Variants in ARHGEF7 observed in about 807,000 individuals in gnomAD.
The protein encoded by ARHGEF7 is PAK-interacting exchange factor beta.
Under a neutral mutation model 109.8 loss-of-function variants are expected in ARHGEF7, and 33 were observed. The ratio of observed to expected loss-of-function variants is 0.30; its 90% confidence interval spans 0.23 to 0.40. ARHGEF7 has a LOEUF of 0.40. Among genes scored for constraint, ARHGEF7 ranks in the 10% least tolerant of loss-of-function variants. The pLI, the probability that ARHGEF7 is intolerant of heterozygous loss-of-function variation, is 1.00. For synonymous variants in ARHGEF7, 458 were observed against 424.6 expected (o/e 1.08, Z -0.97); for missense variants, 938 against 1,098.5 (o/e 0.85, Z 2.07).
At chr13:111,188,103 C>T (rs1269268879) in intron 2 of ARHGEF7, among the ~76,000 whole-genome samples, 1 of 152,178 alleles carries the variant, frequency 6.6e-6, no homozygotes, top group Non-Finnish European at 1.5e-5. Context: ...TTCCTTCCTG[C>T]GTGTGCCCTG....
chr13:111,272,718 C>T lies in ARHGEF7; in HGVS notation c.1074-1096C>T, dbSNP rs1376679871. On this transcript the variant is annotated intron_variant, in intron 9 of 21. Coordinates refer to ENST00000646102, the MANE Select transcript of ARHGEF7 (RefSeq NM_001354046.2). The surrounding 1 kb of genome is among the most constrained non-coding windows in gnomAD (Gnocchi z 5.2). ...GTCTGGACCTGGCATCGGCTGCCAG[C>T]GCTGGTGCTGCCTCCCCTCCTTTCT... 2.6e-5 allele frequency among the ~76,000 whole-genome samples: 4 copies of T among 152,260 alleles called. No individual in the cohort carries two copies. Among genetic ancestry groups the T allele is most frequent in the South Asian group, 2.1e-4 (1 of 4,820 alleles).
At chr13:111,240,132 C>G (rs1490667122) in intron 6 of ARHGEF7, among the ~76,000 whole-genome samples, 1 of 152,136 alleles carries the variant, frequency 6.6e-6, no homozygotes, top group African/African-American at 2.4e-5. Flanking sequence ...CAGCTGGGAG[C>G]CCAGGTCCAC....
intron 9 of ARHGEF7, among the ~76,000 whole-genome samples, chr13:111,268,806 C>T (rs144654747): frequency 1.2e-4 from 19 of 152,304 alleles, no homozygotes; most frequent in South Asian, 4.1e-4. Context: ...TCAGGGTGAA[C>T]GCACCAAATG....
At chr13:111,153,723 TGAG>T in intron 1 of ARHGEF7, 179 bp from the exon 2 acceptor site, 5 of 1,328,462 alleles carry the variant, frequency 3.8e-6, no homozygotes, top group Non-Finnish European at 4.8e-6. Flanking sequence ...GAAAAAAGGG[TGAG>T]GAGAAGCAGC....
chr13:111,299,931 G>A (rs2093525606), intron 19 of ARHGEF7, among the ~76,000 whole-genome samples: 1 of 152,040 alleles, frequency 6.6e-6, no homozygotes, highest in African/African-American at 2.4e-5. Flanking sequence ...TTTGCATCTG[G>A]CATAATTTTT....
intron 1 of ARHGEF7, among the ~76,000 whole-genome samples, chr13:111,152,995 G>C (rs1258743527): frequency 6.6e-6 from 1 of 152,216 alleles, no homozygotes; most frequent in Admixed American, 6.5e-5. Flanking sequence ...CACTGCGGTG[G>C]ATCCACAATT....
intron 2 of ARHGEF7, among the ~76,000 whole-genome samples, chr13:111,156,814 A>G (rs1241586135): frequency 6.6e-6 from 1 of 152,284 alleles, no homozygotes; most frequent in Non-Finnish European, 1.5e-5. Context: ...TTGAAACTAC[A>G]GACACAAAAC....
chr13:111,256,792 G>A (rs893693513), intron 8 of ARHGEF7, among the ~76,000 whole-genome samples: 1 of 152,124 alleles, frequency 6.6e-6, no homozygotes, highest in Non-Finnish European at 1.5e-5. Flanking sequence ...GGTCTTGTGG[G>A]TTTTCATGGT....
intron 16 of ARHGEF7, among the ~76,000 whole-genome samples, chr13:111,285,493 G>A (rs1467923283): frequency 6.6e-6 from 1 of 152,080 alleles, no homozygotes; most frequent in African/African-American, 2.4e-5. Flanking sequence ...TTTTGCCGTC[G>A]TCTTCTGTGC....
chr13:111,260,019 G>A (rs1934114339), intron 8 of ARHGEF7, among the ~76,000 whole-genome samples: 1 of 152,108 alleles, frequency 6.6e-6, no homozygotes. Flanking sequence ...TCAAGCAGAG[G>A]AAAGAATTAG....
intron 8 of ARHGEF7, among the ~76,000 whole-genome samples, chr13:111,247,184 A>G (rs907631922): frequency 1.3e-5 from 2 of 150,942 alleles, no homozygotes; most frequent in Non-Finnish European, 2.9e-5. Context: ...TTTAAGACTT[A>G]CTTTCGTCTT....
chr13:111,233,082 C>A, intron 5 of ARHGEF7, 123 bp from the exon 6 acceptor site: 1 of 829,356 alleles, frequency 1.2e-6, no homozygotes, highest in Non-Finnish European at 2.0e-6. Flanking sequence ...TTTTCCTTGG[C>A]TTGCCATTTG....
chr13:111,230,988 G>C (rs374176663), intron 5 of ARHGEF7, among the ~76,000 whole-genome samples: 3 of 152,248 alleles, frequency 2.0e-5, no homozygotes, highest in African/African-American at 7.2e-5. Flanking sequence ...GTGGTGTTGA[G>C]TTGTGAGGTA....
intron 17 of ARHGEF7, among the ~76,000 whole-genome samples, chr13:111,287,416 C>G (rs1032660803): frequency 1.3e-5 from 2 of 152,226 alleles, no homozygotes; most frequent in Admixed American, 1.3e-4. Context: ...CAGCTGAGAC[C>G]ATCGTTCATG....
intron 8 of ARHGEF7, among the ~76,000 whole-genome samples, chr13:111,251,729 G>A (rs1369788139): frequency 6.6e-6 from 1 of 152,200 alleles, no homozygotes; most frequent in Non-Finnish European, 1.5e-5. Flanking sequence ...GTTGTAGGCA[G>A]CGTCTTCTCC....
chr13:111,125,941 G>C (rs78692757), intron 1 of ARHGEF7, among the ~76,000 whole-genome samples: 1 of 152,186 alleles, frequency 6.6e-6, no homozygotes, highest in East Asian at 1.9e-4. Flanking sequence ...GGATATTCCT[G>C]GTTCTGATTG....
Position 111,172,710 on chromosome 13 carries a change from C to G in ARHGEF7, c.252+18719C>G, listed in dbSNP as rs7322245. ...AGAGAGGGGTCCTGGTGCTGTAAAC[C>G]AAGGCTTGGCAGTTTTCTGTAAAAA... On this transcript the variant is annotated intron_variant, in intron 2 of 21. Coordinates refer to ENST00000646102, the MANE Select transcript of ARHGEF7 (RefSeq NM_001354046.2). 7.8e-3 allele frequency among the ~76,000 whole-genome samples: 1,190 copies of G among 152,266 alleles called. 17 individuals carry two copies. The highest frequency in any genetic ancestry group is 0.028 in the African/African-American group (1,144 of 41,550).
intron 1 of ARHGEF7, among the ~76,000 whole-genome samples, chr13:111,119,889 T>C (rs929296116): frequency 1.3e-5 from 2 of 152,052 alleles, no homozygotes; most frequent in African/African-American, 4.8e-5. Flanking sequence ...AGTGATCACA[T>C]GTGGTGGTAG....
intron 2 of ARHGEF7, 44 bp from the exon 3 acceptor site, chr13:111,205,245 A>C: frequency 1.3e-6 from 2 of 1,509,302 alleles, no homozygotes; most frequent in South Asian, 1.2e-5. Context: ...CCTGCACCCA[A>C]CATAAGACTC....
Sources: allele counts gnomAD v4.1 joint callset (sites outside exome capture counted in the v4.1 genomes callset), GRCh38; gene constraint gnomAD v4.1.1; non-coding constraint Gnocchi (gnomAD v3.1); transcripts MANE v1.5; gene names NCBI Gene and HGNC (gene_info 2026-07-23, HGNC 2026-07-21).